The following NLGN1 variants were observed in gnomAD, a reference collection of about 807,000 sequenced individuals.
NLGN1 encodes neuroligin-1.
Under a neutral mutation model 65.5 loss-of-function variants are expected in NLGN1, and 12 were observed. The observed-to-expected ratio is 0.18, with a 90% CI of 0.12 to 0.30. NLGN1 has a LOEUF of 0.30. NLGN1 is among the 10% of genes least tolerant of loss of function. The probability of loss-of-function intolerance (pLI) is 1.00; values close to 1 mark genes in which losing one functional copy is unlikely to be tolerated. For synonymous variants in NLGN1, 350 were observed against 359.5 expected, an observed-to-expected ratio of 0.97 and a Z score of 0.30; for missense variants, 750 against 1,007.1, an observed-to-expected ratio of 0.74 and a Z score of 3.46.
chr3:174,162,073 T>G (rs1726656283), intron 4 of NLGN1, among the ~76,000 whole-genome samples: 1 of 151,768 alleles, frequency 6.6e-6, no homozygotes, highest in African/African-American at 2.4e-5. Flanking sequence ...TACATAAAAA[T>G]ACAGCCAAAA....
intron 3 of NLGN1, among the ~76,000 whole-genome samples, chr3:173,704,193 T>TTA (rs1376834936): frequency 6.6e-6 from 1 of 152,212 alleles, no homozygotes; most frequent in African/African-American, 2.4e-5. Context: ...GACAAAGTTG[T>TTA]TATAAGTGTG....
intron 4 of NLGN1, among the ~76,000 whole-genome samples, chr3:174,077,349 G>C (rs571208375): frequency 6.6e-6 from 1 of 152,160 alleles, no homozygotes; most frequent in African/African-American, 2.4e-5. Context: ...TGCACTACTA[G>C]AACATTGAAA....
intron 2 of NLGN1, among the ~76,000 whole-genome samples, chr3:173,502,700 A>G (rs1403754865): frequency 6.6e-6 from 1 of 152,114 alleles, no homozygotes; most frequent in Non-Finnish European, 1.5e-5. Flanking sequence ...CAGCATATAA[A>G]TATTAAGTGT....
At chr3:173,988,369 C>T (rs1720389708) in intron 4 of NLGN1, among the ~76,000 whole-genome samples, 1 of 152,102 alleles carries the variant, frequency 6.6e-6, no homozygotes, top group Admixed American at 6.6e-5. Flanking sequence ...CTCATTCTAC[C>T]AAAATAGATG....
At chr3:174,206,215 C>A (rs1311688488) in intron 4 of NLGN1, among the ~76,000 whole-genome samples, 3 of 152,146 alleles carry the variant, frequency 2.0e-5, no homozygotes, top group Admixed American at 2.0e-4. Flanking sequence ...AGATAATCTT[C>A]TAAGCAGGTA....
intron 2 of NLGN1, among the ~76,000 whole-genome samples, chr3:173,468,341 T>A (rs1011328286): frequency 6.6e-6 from 1 of 152,194 alleles, no homozygotes; most frequent in Admixed American, 6.6e-5. Context: ...TTTTCAAACC[T>A]CTTGGAACTT....
chr3:174,098,391 G>T (rs574772562), intron 4 of NLGN1, among the ~76,000 whole-genome samples: 120 of 152,114 alleles, frequency 7.9e-4, no homozygotes, highest in Non-Finnish European at 1.5e-3. Context: ...ACTATAATAT[G>T]CATGTCTATG....
At chr3:174,062,437 G>A (rs1037919573) in intron 4 of NLGN1, among the ~76,000 whole-genome samples, 1 of 152,022 alleles carries the variant, frequency 6.6e-6, no homozygotes, top group Non-Finnish European at 1.5e-5. Context: ...ATCAAGTGGA[G>A]TTAATCTTTT....
intron 4 of NLGN1, among the ~76,000 whole-genome samples, chr3:174,024,596 C>T (rs550486047): frequency 3.1e-4 from 47 of 152,052 alleles, no homozygotes; most frequent in African/African-American, 1.0e-3. Context: ...TCATCCAAGG[C>T]ATTTCTGAAA....
At chr3:173,509,538 G>A (rs1732582141) in intron 2 of NLGN1, among the ~76,000 whole-genome samples, 2 of 152,236 alleles carry the variant, frequency 1.3e-5, no homozygotes, top group South Asian at 4.1e-4. Flanking sequence ...ACCTGAGCTT[G>A]GGAAGTTGAA....
intron 2 of NLGN1, among the ~76,000 whole-genome samples, chr3:173,531,855 A>G (rs994456004): frequency 6.6e-6 from 1 of 152,034 alleles, no homozygotes; most frequent in Admixed American, 6.6e-5. Context: ...CATGCCACTC[A>G]TCTCCTTGTA....
In NLGN1 at chr3:173,681,150, A is replaced by T. The variant is rs530411538; in HGVS notation, c.493+76059A>T. On this transcript the variant is annotated intron_variant, in intron 3 of 6. Transcript: ENST00000457714. The stretch of plus-strand genomic sequence containing the variant: ...AGTCTACTCTCTTCAAAAGAAATGC[A>T]GCATTTTCTGACCAGTGAGATAAGA... Among the ~76,000 whole-genome samples the T allele has an allele frequency of 2.6e-5, 4 of 152,358 alleles. No individual in the cohort carries two copies. In the East Asian group the frequency reaches 7.7e-4, roughly 29 times the overall value.
chr3:173,830,008 G>GGGT (rs1553863538), intron 4 of NLGN1, among the ~76,000 whole-genome samples: 1,045 of 65,416 alleles, frequency 0.016, 12 homozygotes, highest in African/African-American at 0.03. Flanking sequence ...TGGGTAGTGT[G>GGGT]GGGGGGGGAG....
chr3:173,940,080 CT>C (rs531013909), intron 4 of NLGN1, among the ~76,000 whole-genome samples: 618 of 75,394 alleles, frequency 8.2e-3, no homozygotes, highest in African/African-American at 9.6e-3. Context: ...ATAGTTATAG[CT>C]TTTTTTTTTT....
intron 4 of NLGN1, among the ~76,000 whole-genome samples, chr3:174,053,757 A>G (rs1735425719): frequency 6.6e-6 from 1 of 151,704 alleles, no homozygotes; most frequent in Non-Finnish European, 1.5e-5. Flanking sequence ...TTACTGTTCA[A>G]TTCATCCATT....
intron 4 of NLGN1, among the ~76,000 whole-genome samples, chr3:173,949,404 A>G (rs557563640): frequency 6.6e-6 from 1 of 152,264 alleles, no homozygotes; most frequent in African/African-American, 2.4e-5. Flanking sequence ...AATTAGAAAG[A>G]TGTATCTTCT....
intron 4 of NLGN1, among the ~76,000 whole-genome samples, chr3:173,919,241 A>G (rs1450162835): frequency 6.6e-6 from 1 of 152,196 alleles, no homozygotes; most frequent in Admixed American, 6.5e-5. Context: ...TTGGGAGGCC[A>G]TTTTGTATCT....
intron 2 of NLGN1, among the ~76,000 whole-genome samples, chr3:173,571,714 AGTTTC>A (rs1744684380): frequency 6.6e-6 from 1 of 152,216 alleles, no homozygotes; most frequent in African/African-American, 2.4e-5. Flanking sequence ...TTTTCATAGT[AGTTTC>A]ATAACAAAGC....
rs115771173 is a variant in NLGN1 at position 173,892,528 on chromosome 3, C to G, written c.646+84696C>G. On this transcript the variant is annotated intron_variant, in intron 4 of 6. Transcript: ENST00000457714. The stretch of plus-strand genomic sequence containing the variant: ...CAGAAAGTAGATCACTTCTTGCAGG[C>G]TAATATGTGTCAGCATCATATTCAG... 7.0e-3 allele frequency among the ~76,000 whole-genome samples: 1,034 copies of G among 147,434 alleles called. 8 individuals carry two copies. Among genetic ancestry groups the G allele is most frequent in the African/African-American group, 0.024 (972 of 39,746 alleles).
Sources: allele counts gnomAD v4.1 joint callset (sites outside exome capture counted in the v4.1 genomes callset), GRCh38; gene constraint gnomAD v4.1.1; transcripts MANE v1.5; gene names NCBI Gene and HGNC (gene_info 2026-07-23, HGNC 2026-07-21).